The following CDH12 variants were observed in gnomAD, a reference collection of about 807,000 sequenced individuals.
CDH12 encodes the protein cadherin 12, also known as cadherin-12.
In CDH12, 41 loss-of-function variants were observed where a neutral mutation model predicts 74.1. The ratio of observed to expected loss-of-function variants is 0.55; its 90% CI spans 0.43 to 0.72. CDH12 has a LOEUF of 0.72. Among genes scored for constraint, CDH12 ranks in the 30% least tolerant of loss-of-function variants. The probability of loss-of-function intolerance (pLI) is 0.00; values close to 1 mark genes in which losing one functional copy is unlikely to be tolerated. For synonymous variants in CDH12, 399 were observed against 355.0 expected (o/e 1.12, Z -1.39); for missense variants, 945 against 977.2 (o/e 0.97, Z 0.44).
Position 22,844,104 on chromosome 5 carries a change from G to A in CDH12, c.-523+8954C>T, listed in dbSNP as rs143659263. On this transcript the variant is annotated intron_variant, in intron 1 of 14. Coordinates refer to ENST00000382254, the MANE Select transcript of CDH12 (RefSeq NM_004061.5). ...GAGAAAATGCCTGTCATTCTGTTCC[G>A]GAAGACATCCAGATGAACTGTGAAT... is the stretch of plus-strand genomic sequence containing the variant. Among the ~76,000 whole-genome samples the A allele has an allele frequency of 9.2e-5, 14 of 152,052 alleles. No homozygotes were observed. In the East Asian group the frequency reaches 1.2e-3, roughly 13 times the overall value.
At chr5:22,357,138 G>C (rs1260110215) in intron 3 of CDH12, among the ~76,000 whole-genome samples, 1 of 152,032 alleles carries the variant, frequency 6.6e-6, no homozygotes, top group Non-Finnish European at 1.5e-5. Flanking sequence ...GAAATTGATA[G>C]TACAAATACT....
intron 4 of CDH12, among the ~76,000 whole-genome samples, chr5:22,164,834 A>T (rs571079569): frequency 7.0e-6 from 1 of 143,776 alleles, no homozygotes; most frequent in Non-Finnish European, 1.5e-5. Flanking sequence ...AGCTAGGCTT[A>T]GGGATTCTTA....
At chr5:21,859,624 T>C (rs1750930675) in intron 6 of CDH12, among the ~76,000 whole-genome samples, 2 of 151,962 alleles carry the variant, frequency 1.3e-5, no homozygotes, top group African/African-American at 4.8e-5. Flanking sequence ...TGCTTCCTGT[T>C]TCTGCGACAT....
chr5:21,817,553 T>C (rs945208406), intron 8 of CDH12, among the ~76,000 whole-genome samples: 7 of 152,052 alleles, frequency 4.6e-5, no homozygotes, highest in Non-Finnish European at 2.9e-5. Context: ...GATAGATAGA[T>C]AGGTGATAGA....
chr5:21,975,088 C>G lies in CDH12; in HGVS notation c.526+3G>C. On this transcript the variant is annotated splice_donor_region_variant and intron_variant, in intron 6 of 14. Coordinates refer to ENST00000382254, the MANE Select transcript of CDH12 (RefSeq NM_004061.5). Reference sequence around the variant, plus strand: ...CTCACAGAATTTTGATTTGCCTACTCACCCACAGGAGACATTTCTGGAACA... The same window carrying G: ...CTCACAGAATTTTGATTTGCCTACTGACCCACAGGAGACATTTCTGGAACA... The G allele has an allele frequency of 6.3e-7, 1 of 1,586,396 alleles. No individual in the cohort carries two copies. Among genetic ancestry groups the G allele is most frequent in the South Asian group, 1.1e-5 (1 of 89,632 alleles).
intron 3 of CDH12, among the ~76,000 whole-genome samples, chr5:22,252,786 G>A (rs35363607): frequency 0.36 from 54,284 of 151,420 alleles, 11,628 homozygotes; most frequent in Admixed American, 0.48. Flanking sequence ...TAAATCTTCC[G>A]ATCTATGAAG....
chr5:22,218,922 G>A (rs1315101194), intron 3 of CDH12, among the ~76,000 whole-genome samples: 1 of 151,504 alleles, frequency 6.6e-6, no homozygotes, highest in Admixed American at 6.6e-5. Context: ...ATTTCTAACC[G>A]TTTCTTAAAT....
intron 3 of CDH12, among the ~76,000 whole-genome samples, chr5:22,239,919 T>C (rs1158989765): frequency 6.6e-6 from 1 of 152,180 alleles, no homozygotes; most frequent in Non-Finnish European, 1.5e-5. Context: ...TGAAGGTAGC[T>C]CCCTCTACAA....
At chr5:22,122,268 C>T (rs1463058310) in intron 4 of CDH12, among the ~76,000 whole-genome samples, 16 of 151,864 alleles carry the variant, frequency 1.1e-4, no homozygotes, top group African/African-American at 1.7e-4. Flanking sequence ...GTGGGCATGG[C>T]GGCACATTCC....
At chr5:21,788,841 TC>T (rs1426170663) in intron 10 of CDH12, among the ~76,000 whole-genome samples, 2 of 152,068 alleles carry the variant, frequency 1.3e-5, no homozygotes, top group Non-Finnish European at 2.9e-5. Flanking sequence ...GATAATCTTT[TC>T]CTTTTGATTA....
intron 5 of CDH12, among the ~76,000 whole-genome samples, chr5:22,017,882 C>G (rs902481948): frequency 5.3e-5 from 8 of 151,982 alleles, no homozygotes; most frequent in Middle Eastern, 3.4e-3. Context: ...GCTTCAGCCT[C>G]CCGAGTAGCT....
At chr5:22,808,013 G>T (rs1748907574) in intron 1 of CDH12, among the ~76,000 whole-genome samples, 1 of 152,174 alleles carries the variant, frequency 6.6e-6, no homozygotes, top group African/African-American at 2.4e-5. Flanking sequence ...GGATTTTTCA[G>T]CTTCATTATA....
intron 6 of CDH12, among the ~76,000 whole-genome samples, chr5:21,861,288 G>C (rs1169454225): frequency 6.6e-6 from 1 of 151,680 alleles, no homozygotes; most frequent in Non-Finnish European, 1.5e-5. Context: ...ACATGAAAGA[G>C]ATATAACTAA....
At chr5:22,089,161 T>C (rs1180822904) in intron 4 of CDH12, among the ~76,000 whole-genome samples, 1 of 152,096 alleles carries the variant, frequency 6.6e-6, no homozygotes, top group Non-Finnish European at 1.5e-5. Flanking sequence ...GGCTGAAAAC[T>C]GTGGGGGTAA....
At chr5:22,659,437 A>T (rs1451691277) in intron 1 of CDH12, among the ~76,000 whole-genome samples, 1 of 152,014 alleles carries the variant, frequency 6.6e-6, no homozygotes, top group Non-Finnish European at 1.5e-5. Flanking sequence ...ATCAATTTTT[A>T]TACTTGGGAA....
At chr5:22,007,285 G>A (rs564061243) in intron 5 of CDH12, among the ~76,000 whole-genome samples, 2 of 152,136 alleles carry the variant, frequency 1.3e-5, no homozygotes, top group Non-Finnish European at 2.9e-5. Context: ...TAATAGCAAT[G>A]TATTGTATAG....
chr5:22,492,095 A>T (rs1185461084), intron 2 of CDH12, among the ~76,000 whole-genome samples: 1 of 152,106 alleles, frequency 6.6e-6, no homozygotes, highest in Non-Finnish European at 1.5e-5. Flanking sequence ...TTAAGCCCAT[A>T]ACAGTTGACA....
At chr5:22,448,485 A>G (rs1281924676) in intron 2 of CDH12, among the ~76,000 whole-genome samples, 1 of 152,092 alleles carries the variant, frequency 6.6e-6, no homozygotes, top group Non-Finnish European at 1.5e-5. Flanking sequence ...AACAGATCAA[A>G]GTATCATTAT....
chr5:22,245,608 T>G (rs1379886751), intron 3 of CDH12, among the ~76,000 whole-genome samples: 3 of 151,926 alleles, frequency 2.0e-5, no homozygotes. Flanking sequence ...ACTACAGACT[T>G]AAATATATAT....
Sources: gnomAD v4.1 joint callset for allele counts (sites outside exome capture counted in the v4.1 genomes callset) on GRCh38, gnomAD v4.1.1 for gene constraint, MANE v1.5 for transcripts, NCBI Gene and HGNC (gene_info 2026-07-23, HGNC 2026-07-21) for gene names.